Variants in MAPKAPK5 observed in about 807,000 individuals in gnomAD.
MAPKAPK5 encodes MAPK activated protein kinase 5.
Under a neutral mutation model 65.1 loss-of-function variants are expected in MAPKAPK5, and 30 were observed. That is an observed-to-expected ratio of 0.46 (90% confidence interval 0.34 to 0.63). MAPKAPK5 has a LOEUF of 0.63. Among genes scored for constraint, MAPKAPK5 ranks in the 20% least tolerant of loss-of-function variants. The probability of loss-of-function intolerance (pLI) is 0.01; values close to 1 mark genes in which losing one functional copy is unlikely to be tolerated. For synonymous variants in MAPKAPK5, 179 were observed against 204.6 expected, an observed-to-expected ratio of 0.87 and a Z score of 1.07; for missense variants, 433 against 581.4, an observed-to-expected ratio of 0.74 and a Z score of 2.63.
In MAPKAPK5 at chr12:111,899,579, C is replaced by G; in HGVS notation, c.*6518C>G. On this transcript the variant is annotated 3_prime_UTR_variant, in exon 14 of 14. Coordinates refer to ENST00000550735, the MANE Select transcript of MAPKAPK5 (RefSeq NM_003668.4). ...TGTCCTACTTGTTACTTATGCAAGG[C>G]CAGAAGCACCTGGTTCATCTGAAGG... 1 of 242,980 alleles carries G rather than the reference C, an allele frequency of 4.1e-6. No homozygotes were observed. The highest frequency in any genetic ancestry group is 8.3e-6 in the Non-Finnish European group (1 of 120,372). The allele number at this position is 242,980 out of a possible 1,614,324, so 15.1% of individuals were successfully genotyped here.
chr12:111,887,841 A>ACACACACACACC (rs2070460401), intron 10 of MAPKAPK5: 1 of 152,132 alleles, frequency 6.6e-6, no homozygotes, highest in Non-Finnish European at 1.5e-5. Context: ...ACACACACAC[A>ACACACACACACC]CACACACACA....
At chr12:111,846,790 C>T (rs974496653) in intron 1 of MAPKAPK5, among the ~76,000 whole-genome samples, 2 of 152,134 alleles carry the variant, frequency 1.3e-5, no homozygotes, top group African/African-American at 4.8e-5. Context: ...AGTCACCATG[C>T]CTGGCTCTCA....
rs1198604402 is a variant in MAPKAPK5 at position 111,901,473 on chromosome 12, T to C, written c.*8412T>C. ...AGAACATGCTGTAGACATGATGATA[T>C]TATCATTCATTATACTTTTTATAAT... On this transcript the variant is annotated 3_prime_UTR_variant, in exon 14 of 14. Coordinates refer to ENST00000550735, the MANE Select transcript of MAPKAPK5 (RefSeq NM_003668.4). 3 of 451,736 alleles carry C rather than the reference T, an allele frequency of 6.6e-6. No individual in the cohort carries two copies. The highest frequency in any genetic ancestry group is 1.4e-4 in the East Asian group (2 of 14,372). 28.0% of individuals were successfully genotyped at this position (451,736 alleles called of 1,614,324 possible).
At chr12:111,862,434 C>T (rs1373736787) in intron 1 of MAPKAPK5, among the ~76,000 whole-genome samples, 1 of 152,174 alleles carries the variant, frequency 6.6e-6, no homozygotes, top group Non-Finnish European at 1.5e-5. Context: ...GGTGCAGTGG[C>T]TCATGCTTGT....
chr12:111,847,986 C>T (rs1048767897), intron 1 of MAPKAPK5, among the ~76,000 whole-genome samples: 8 of 152,162 alleles, frequency 5.3e-5, no homozygotes, highest in Non-Finnish European at 1.0e-4. Context: ...CTTATCCATT[C>T]TCAGTTATAG....
Position 111,893,706 on chromosome 12 carries a change from G to A in MAPKAPK5, c.*645G>A, listed in dbSNP as rs2070702347. On this transcript the variant is annotated 3_prime_UTR_variant, in exon 14 of 14. Transcript: ENST00000550735. ...TAAATCTAACAGGGTTTTCTTTTGG[G>A]TTTATTCTTTTTTTTTTTTTTTTTT... The A allele has an allele frequency of 6.7e-6, 1 of 149,126 alleles. No homozygotes were observed. The highest frequency in any genetic ancestry group is 1.5e-5 in the Non-Finnish European group (1 of 67,478). The allele number at this position is 149,126 out of a possible 1,614,324, so 9.2% of individuals were successfully genotyped here.
rs1433231571 is a variant in MAPKAPK5, at chr12:111,894,660, T to G, written c.*1599T>G. The G allele has an allele frequency of 6.6e-6, 1 of 152,038 alleles. No homozygotes were observed. The highest frequency in any genetic ancestry group is 1.5e-5 in the Non-Finnish European group (1 of 68,010). The allele number at this position is 152,038 out of a possible 1,614,324, so 9.4% of individuals were successfully genotyped here. A position where few individuals can be genotyped will look rare whatever the true frequency, so the allele number is the denominator to read the frequency against. ...TATTACCCTTCATTTTCAGGAAGCA[T>G]GGTTTTGGCCCCGAGAGCAGCTGTT... On this transcript the variant is annotated 3_prime_UTR_variant, in exon 14 of 14. Transcript: ENST00000550735.
In MAPKAPK5 at chr12:111,895,150, G is replaced by T. The variant is rs367850169; in HGVS notation, c.*2089G>T. ...CTTGCTCTGTCGCCCAGGCTGGAGT[G>T]CAGTGGCGCGATCTTGGCTCACTGC... On this transcript the variant is annotated 3_prime_UTR_variant, in exon 14 of 14. Coordinates refer to ENST00000550735, the MANE Select transcript of MAPKAPK5 (RefSeq NM_003668.4). 7.2e-6 allele frequency: 1 copy of T among 139,612 alleles called. No homozygotes were observed. The highest frequency in any genetic ancestry group is 2.8e-5 in the African/African-American group (1 of 36,226). The allele number at this position is 139,612 out of a possible 1,614,324, so 8.6% of individuals were successfully genotyped here. A position where few individuals can be genotyped will look rare whatever the true frequency, so the allele number is the denominator to read the frequency against.
At chr12:111,890,699 T>C (rs6489820) in intron 13 of MAPKAPK5, among the ~76,000 whole-genome samples, 40,852 of 152,136 alleles carry the variant, frequency 0.27, 7,164 homozygotes, top group East Asian at 0.85. Flanking sequence ...ACTCTGTCCC[T>C]CAGGCTGGAG....
chr12:111,865,822 G>A (rs916320143), intron 2 of MAPKAPK5, among the ~76,000 whole-genome samples: 2 of 133,664 alleles, frequency 1.5e-5, no homozygotes, highest in Non-Finnish European at 3.1e-5. Context: ...GCCACAGAGC[G>A]AGATTCTGTC....
chr12:111,889,000 G>A lies in MAPKAPK5; in HGVS notation c.1216G>A (p.Gly406Arg), dbSNP rs1457317996. 1.3e-6 allele frequency: 2 copies of A among 1,570,886 alleles called. No individual in the cohort carries two copies. The highest frequency in any genetic ancestry group is 1.7e-6 in the Non-Finnish European group (2 of 1,157,460). Residue 406 changes from glycine (G) to arginine (R), a missense_variant and splice_region_variant, in exon 12 of 14, where the codon GGA becomes AGA. By Grantham distance (125) the Gly-to-Arg change is moderately radical (BLOSUM62 -2). Coordinates refer to ENST00000550735, the MANE Select transcript of MAPKAPK5 (RefSeq NM_003668.4). ...TGCTCAGTGTATTCTCCCCCAGGCT[G>A]GTAAAGGTCACACCATTTACTAATC... is the stretch of plus-strand genomic sequence containing the variant. Reference protein sequence around the residue: ...VIAQCILPQAGENEDEKLNEV... With the variant: ...VIAQCILPQARENEDEKLNEV...
rs2070780685 is a variant in MAPKAPK5 at position 111,895,595 on chromosome 12, C to CGA, written c.*2534_*2535insGA. The CGA allele has an allele frequency of 2.2e-5, 3 of 136,672 alleles. No homozygotes were observed. Among genetic ancestry groups the CGA allele is most frequent in the African/African-American group, 8.2e-5 (3 of 36,568 alleles). 8.5% of individuals were successfully genotyped at this position (136,672 alleles called of 1,614,324 possible). ...CCCCAGGCTGGAGTGCAGTGGCTTG[C>CGA]TCTTGGCTCACTGCAACCTCTGCCT... is the stretch of plus-strand genomic sequence containing the variant. On this transcript the variant is annotated 3_prime_UTR_variant, in exon 14 of 14. Transcript: ENST00000550735.
At chr12:111,846,007 T>G (rs2068897183) in intron 1 of MAPKAPK5, among the ~76,000 whole-genome samples, 1 of 152,216 alleles carries the variant, frequency 6.6e-6, no homozygotes, top group Non-Finnish European at 1.5e-5. Context: ...AGTTGTTTTT[T>G]TCACTTGACT....
intron 13 of MAPKAPK5, 81 bp from the exon 14 acceptor site, chr12:111,892,886 T>TG (rs2136167635): frequency 1.0e-6 from 1 of 960,072 alleles, no homozygotes; most frequent in Admixed American, 2.2e-5. Flanking sequence ...ACTGGTAAGG[T>TG]GGACCTTATT....
chr12:111,863,401 A>G (rs1408992468), intron 1 of MAPKAPK5, among the ~76,000 whole-genome samples: 1 of 152,150 alleles, frequency 6.6e-6, no homozygotes, highest in Admixed American at 6.5e-5. Context: ...AGGGGTGGAG[A>G]TGAAGACTTT....
chr12:111,889,395 G>A, intron 12 of MAPKAPK5: 1 of 184,772 alleles, frequency 5.4e-6, no homozygotes, highest in Non-Finnish European at 1.1e-5. Context: ...CCTTTAGAGT[G>A]CAAGGCTGCC....
At chr12:111,871,363 A>G (rs1299241936) in intron 7 of MAPKAPK5, among the ~76,000 whole-genome samples, 183 bp downstream of exon 7, 2 of 152,104 alleles carry the variant, frequency 1.3e-5, no homozygotes, top group Non-Finnish European at 2.9e-5. Flanking sequence ...AACTTTAGCC[A>G]GGTGCGGTGG....
intron 1 of MAPKAPK5, among the ~76,000 whole-genome samples, chr12:111,857,554 T>G (rs2069285211): frequency 6.6e-6 from 1 of 152,194 alleles, no homozygotes; most frequent in Non-Finnish European, 1.5e-5. Context: ...GTGCCCGGCC[T>G]GATCCAAGTT....
chr12:111,861,075 T>C (rs2069420499), intron 1 of MAPKAPK5, among the ~76,000 whole-genome samples: 1 of 151,406 alleles, frequency 6.6e-6, no homozygotes, highest in Non-Finnish European at 1.5e-5. Flanking sequence ...AGGAAAAGCT[T>C]GAACCCAGGA....
Sources: gnomAD v4.1 joint callset for allele counts (sites outside exome capture counted in the v4.1 genomes callset) on GRCh38, gnomAD v4.1.1 for gene constraint, MANE v1.5 for transcripts, NCBI Gene and HGNC (gene_info 2026-07-23, HGNC 2026-07-21) for gene names.